The following CIMIP2A variants were observed in gnomAD, a reference collection of about 807,000 sequenced individuals.
The protein encoded by CIMIP2A is ciliary microtubule inner protein 2A.
At chr9:137,244,069 C>T in the CIMIP2A span, 18 of 1,227,780 alleles carry the variant, frequency 1.5e-5, no homozygotes, top group African/African-American at 1.6e-4. Flanking sequence ...TGGTAATGGT[C>T]AGACAGGTGG....
At chr9:137,244,591 G>A in the CIMIP2A span, 1 of 1,603,924 alleles carries the variant, frequency 6.2e-7, no homozygotes, top group Non-Finnish European at 8.5e-7. Context: ...CCAGGCAGGA[G>A]AGGAAGTGTG....
chr9:137,253,150 G>T, the CIMIP2A span: 1 of 1,598,264 alleles, frequency 6.3e-7, no homozygotes. Context: ...CCACGTGGAG[G>T]ACTGCAACTC....
At chr9:137,252,014 C>T in the CIMIP2A span, 3 of 1,611,820 alleles carry the variant, frequency 1.9e-6, no homozygotes, top group South Asian at 1.1e-5. Context: ...TGGAGCAACG[C>T]CCCCTGATCA....
the CIMIP2A span, chr9:137,251,225 G>A: frequency 2.7e-6 from 3 of 1,129,828 alleles, no homozygotes; most frequent in African/African-American, 3.1e-5. Flanking sequence ...GCAACAGAGG[G>A]GCCTACCAGT....
the CIMIP2A span, chr9:137,245,438 T>G: frequency 6.2e-7 from 1 of 1,613,882 alleles, no homozygotes; most frequent in Non-Finnish European, 8.5e-7. Context: ...GTGTCGGGCG[T>G]GAAGCCTGCA....
chr9:137,252,012 C>T, the CIMIP2A span: 145 of 1,611,468 alleles, frequency 9.0e-5, no homozygotes, highest in Non-Finnish European at 1.1e-4. Context: ...GCTGGAGCAA[C>T]GCCCCCTGAT....
At chr9:137,246,492 G>C in the CIMIP2A span, among the ~76,000 whole-genome samples, 1 of 152,218 alleles carries the variant, frequency 6.6e-6, no homozygotes, top group Non-Finnish European at 1.5e-5. Context: ...GGCCGGGCGC[G>C]GTGGCTCACG....
At chr9:137,244,970 TA>T in the CIMIP2A span, 2 of 1,605,352 alleles carry the variant, frequency 1.2e-6, no homozygotes, top group Non-Finnish European at 1.7e-6. Flanking sequence ...CCCAGGCCGC[TA>T]GCCTGTTCTG....
chr9:137,247,612 C>G, the CIMIP2A span: 52 of 1,575,848 alleles, frequency 3.3e-5, no homozygotes, highest in Middle Eastern at 1.7e-4. Context: ...CCATTCTCCC[C>G]CTCCTGCAGC....
the CIMIP2A span, chr9:137,251,546 CA>C: frequency 1.1e-5 from 11 of 964,814 alleles, no homozygotes; most frequent in Admixed American, 1.7e-4. Flanking sequence ...TGGGAGCGGC[CA>C]GGGGCTGAGG....
At chr9:137,243,907 G>A in the CIMIP2A span, 4 of 1,178,632 alleles carry the variant, frequency 3.4e-6, no homozygotes, top group African/African-American at 1.5e-5. Flanking sequence ...TGCTTGGTGG[G>A]GAACTTGCTT....
the CIMIP2A span, chr9:137,253,373 G>A: frequency 2.6e-6 from 4 of 1,522,584 alleles, no homozygotes; most frequent in Non-Finnish European, 3.5e-6. Context: ...GCACCCCGAT[G>A]CACCCTTCTG....
At chr9:137,253,005 T>C in the CIMIP2A span, 1 of 1,530,558 alleles carries the variant, frequency 6.5e-7, no homozygotes, top group South Asian at 1.2e-5. Context: ...GGATGGGGCA[T>C]GGGTGGGCAA....
chr9:137,245,894 C>A, the CIMIP2A span: 2 of 1,449,108 alleles, frequency 1.4e-6, no homozygotes, highest in South Asian at 3.0e-5. Flanking sequence ...GTCTCAAGGG[C>A]AGCCCCAGCA....
At chr9:137,251,860 C>T in the CIMIP2A span, 1 of 1,608,556 alleles carries the variant, frequency 6.2e-7, no homozygotes, top group Non-Finnish European at 8.5e-7. Context: ...CCCCAGGAGT[C>T]CCTGCCCACC....
At chr9:137,245,245 C>A in the CIMIP2A span, 4 of 1,571,934 alleles carry the variant, frequency 2.5e-6, no homozygotes, top group Non-Finnish European at 3.5e-6. Flanking sequence ...GCGGAGGTCA[C>A]GGTGCAGCTC....
chr9:137,244,641 C>G, the CIMIP2A span: 1 of 1,613,678 alleles, frequency 6.2e-7, no homozygotes, highest in Non-Finnish European at 8.5e-7. Context: ...CGCTTTCCTA[C>G]CTGGCTCTTG....
chr9:137,251,824 T>C, the CIMIP2A span: 1 of 1,605,228 alleles, frequency 6.2e-7, no homozygotes, highest in Non-Finnish European at 8.5e-7. Flanking sequence ...GAGATCCCAG[T>C]TGGCCTCAGG....
the CIMIP2A span, chr9:137,253,602 T>A: frequency 1.1e-6 from 1 of 892,254 alleles, no homozygotes; most frequent in Non-Finnish European, 1.6e-6. Context: ...CCCTGAAAGG[T>A]GCTCTCTTCT....
Sources: allele counts gnomAD v4.1 joint callset (sites outside exome capture counted in the v4.1 genomes callset), GRCh38; gene constraint gnomAD v4.1.1; transcripts MANE v1.5; gene names NCBI Gene and HGNC (gene_info 2026-07-23, HGNC 2026-07-21).